Variants in PTPRT observed in about 807,000 individuals in gnomAD.
PTPRT encodes the protein protein tyrosine phosphatase receptor type T, also known as receptor-type tyrosine-protein phosphatase T.
Under a neutral mutation model 176.8 loss-of-function variants are expected in PTPRT, and 56 were observed. That is an observed-to-expected ratio of 0.32 (90% CI 0.26 to 0.40). The LOEUF is 0.40. Ranked by LOEUF, PTPRT falls within the 10% of genes least tolerant of loss-of-function variation. The pLI is 1.00. For missense variants in PTPRT, 1,540 were observed against 1,908.2 expected (o/e 0.81, Z 3.60); for synonymous variants, 783 against 739.0 (o/e 1.06, Z -0.96).
intron 6 of PTPRT, among the ~76,000 whole-genome samples, chr20:42,711,772 C>T (rs1194517621): frequency 6.6e-6 from 1 of 151,066 alleles, no homozygotes; most frequent in Non-Finnish European, 1.5e-5. Flanking sequence ...ACTTATGGGG[C>T]TGTTTGTTAC....
chr20:42,043,224 A>G, the PTPRT span, among the ~76,000 whole-genome samples: 1 of 152,230 alleles, frequency 6.6e-6, no homozygotes, highest in Non-Finnish European at 1.5e-5. Context: ...GGGGTGAAGA[A>G]TCTGTATTTT....
intron 7 of PTPRT, among the ~76,000 whole-genome samples, chr20:42,656,922 C>T (rs2075134785): frequency 1.3e-5 from 2 of 152,120 alleles, no homozygotes; most frequent in African/African-American, 4.8e-5. Context: ...ACCCATCACT[C>T]CAACACTGAC....
At chr20:42,635,677 C>G (rs1472755193) in intron 7 of PTPRT, among the ~76,000 whole-genome samples, 1 of 152,092 alleles carries the variant, frequency 6.6e-6, no homozygotes, top group Non-Finnish European at 1.5e-5. Context: ...ATGCTAGAAT[C>G]TGAATTACAC....
At chr20:42,187,967 T>C (rs1990847277) in intron 16 of PTPRT, among the ~76,000 whole-genome samples, 1 of 152,220 alleles carries the variant, frequency 6.6e-6, no homozygotes, top group Non-Finnish European at 1.5e-5. Flanking sequence ...TCCCTATTCA[T>C]GGCAAAGTCT....
Position 43,038,061 on chromosome 20 carries a change from G to A in PTPRT, c.88+151585C>T, listed in dbSNP as rs1220607634. ...TACACCTGACCTGAGCCTATTTATA[G>A]CATTATTTATCTGACTTAGCTTTGC... On this transcript the variant is annotated intron_variant, in intron 1 of 30. Transcript: ENST00000373187. Among the ~76,000 whole-genome samples, 220 of 151,980 alleles carry A rather than the reference G, an allele frequency of 1.4e-3. 1 individual carries two copies. The highest frequency in any genetic ancestry group is 5.0e-3 in the African/African-American group (208 of 41,276).
intron 13 of PTPRT, among the ~76,000 whole-genome samples, chr20:42,257,636 TCCCCCCACCCCCC>T (rs897883260): frequency 1.5e-4 from 1 of 6,650 alleles, no homozygotes; most frequent in African/African-American, 8.1e-4. Flanking sequence ...GTGTAGCACC[TCCCCCCACCCCCC>T]CCCCCCCGCC....
Position 42,613,254 on chromosome 20 carries a change from A to G in PTPRT, c.1153+64612T>C, listed in dbSNP as rs78920351. ...TTTCATTCACACCAGGTGATGCCAT[A>G]CTGAACAGCAGCTGTCCATATGATT... On this transcript the variant is annotated intron_variant, in intron 7 of 30. Coordinates refer to ENST00000373187, the MANE Select transcript of PTPRT (RefSeq NM_007050.6). 2.0e-3 allele frequency among the ~76,000 whole-genome samples: 305 copies of G among 152,344 alleles called. 5 individuals carry two copies. The highest frequency in any genetic ancestry group is 0.013 in the East Asian group (70 of 5,188).
At chr20:42,719,244 C>T (rs1463651961) in intron 6 of PTPRT, among the ~76,000 whole-genome samples, 3 of 152,108 alleles carry the variant, frequency 2.0e-5, no homozygotes, top group Non-Finnish European at 2.9e-5. Context: ...CATCAGCCTC[C>T]CTGGTCATAA....
intron 7 of PTPRT, among the ~76,000 whole-genome samples, chr20:42,515,275 G>A (rs530083142): frequency 3.5e-4 from 53 of 152,294 alleles, no homozygotes; most frequent in African/African-American, 1.2e-3. Flanking sequence ...ACAAGGTCAG[G>A]AGTTTGAGAC....
intron 2 of PTPRT, among the ~76,000 whole-genome samples, chr20:42,800,404 T>C (rs953613124): frequency 3.9e-5 from 6 of 152,058 alleles, no homozygotes; most frequent in African/African-American, 1.4e-4. Context: ...CGAACAAAAA[T>C]TAAGTCAGTT....
intron 1 of PTPRT, among the ~76,000 whole-genome samples, chr20:43,168,693 T>G (rs1303695275): frequency 6.6e-6 from 1 of 152,158 alleles, no homozygotes; most frequent in African/African-American, 2.4e-5. Flanking sequence ...GCAAACCATG[T>G]GCCCTGCCCC....
chr20:43,000,450 T>A (rs145279445), intron 1 of PTPRT, among the ~76,000 whole-genome samples: 1 of 152,114 alleles, frequency 6.6e-6, no homozygotes, highest in East Asian at 1.9e-4. Context: ...GTTTGCTGTG[T>A]GACAGCAATG....
At chr20:42,637,083 G>T (rs1981981110) in intron 7 of PTPRT, among the ~76,000 whole-genome samples, 3 of 152,072 alleles carry the variant, frequency 2.0e-5, no homozygotes, top group Admixed American at 1.3e-4. Context: ...CACCAAGAGG[G>T]TTTCCTAAGA....
intron 1 of PTPRT, among the ~76,000 whole-genome samples, chr20:42,959,756 A>T (rs1981881280): frequency 6.6e-6 from 1 of 152,200 alleles, no homozygotes; most frequent in Non-Finnish European, 1.5e-5. Context: ...GTCAGAACCC[A>T]TGCACAAGCC....
intron 7 of PTPRT, among the ~76,000 whole-genome samples, chr20:42,521,017 A>G (rs889825226): frequency 1.6e-4 from 25 of 151,610 alleles, no homozygotes; most frequent in Admixed American, 1.5e-3. Flanking sequence ...TCATCTACCT[A>G]TCTAATCCAT....
At chr20:42,296,244 G>A (rs79030525) in intron 12 of PTPRT, among the ~76,000 whole-genome samples, 5 of 152,096 alleles carry the variant, frequency 3.3e-5, no homozygotes, top group Non-Finnish European at 5.9e-5. Flanking sequence ...TCAGGAGTTC[G>A]AGACCAGCCC....
chr20:43,114,252 C>A (rs1273410686), intron 1 of PTPRT, among the ~76,000 whole-genome samples: 1 of 152,162 alleles, frequency 6.6e-6, no homozygotes, highest in Non-Finnish European at 1.5e-5. Context: ...TCCTATGCCA[C>A]CCCCAAGACT....
intron 1 of PTPRT, among the ~76,000 whole-genome samples, chr20:43,083,320 G>GTGTA (rs1299320498): frequency 1.1e-4 from 4 of 37,386 alleles, no homozygotes; most frequent in Non-Finnish European, 2.1e-4. Flanking sequence ...CACTTCAAAT[G>GTGTA]TATATATATA....
chr20:42,383,950 C>A (rs7262535), intron 9 of PTPRT, among the ~76,000 whole-genome samples: 1 of 152,094 alleles, frequency 6.6e-6, no homozygotes, highest in Non-Finnish European at 1.5e-5. Context: ...GATTTTACGA[C>A]GGATTATATG....
Sources: gnomAD v4.1 joint callset for allele counts (sites outside exome capture counted in the v4.1 genomes callset) on GRCh38, gnomAD v4.1.1 for gene constraint, MANE v1.5 for transcripts, NCBI Gene and HGNC (gene_info 2026-07-23, HGNC 2026-07-21) for gene names.